PTPRM: variants seen among roughly 807,000 people sequenced by gnomAD.
PTPRM encodes the protein receptor-type tyrosine-protein phosphatase mu.
In PTPRM, 47 loss-of-function variants were observed where a neutral mutation model predicts 186.7. That is an observed-to-expected ratio of 0.25 (90% CI 0.20 to 0.32). The LOEUF (loss-of-function observed/expected upper bound fraction) is 0.32, where lower values mean the gene tolerates loss of function less well. Among genes scored for constraint, PTPRM ranks in the 10% least tolerant of loss-of-function variants. The pLI, the probability that PTPRM is intolerant of heterozygous loss-of-function variation, is 1.00. For missense variants in PTPRM, 1,494 were observed against 1,865.0 expected (o/e 0.80, Z 3.66); for synonymous variants, 668 against 674.9 (o/e 0.99, Z 0.16).
At chr18:8,201,792 C>CT (rs972476756) in intron 14 of PTPRM, among the ~76,000 whole-genome samples, 1 of 152,182 alleles carries the variant, frequency 6.6e-6, no homozygotes, top group African/African-American at 2.4e-5. Context: ...TACCCCATCT[C>CT]TAACTATAAT....
chr18:8,257,873 C>A (rs1346936634), intron 19 of PTPRM, among the ~76,000 whole-genome samples: 1 of 152,130 alleles, frequency 6.6e-6, no homozygotes, highest in African/African-American at 2.4e-5. Context: ...TCAAAATTGG[C>A]CTAAACACCA....
chr18:8,100,215 T>G (rs192547959), intron 11 of PTPRM, among the ~76,000 whole-genome samples: 2 of 152,186 alleles, frequency 1.3e-5, no homozygotes, highest in Admixed American at 1.3e-4. Context: ...CTCGGCTCAC[T>G]GCAACCTCTG....
chr18:7,667,766 T>C (rs1398511801), intron 1 of PTPRM, among the ~76,000 whole-genome samples: 1 of 152,060 alleles, frequency 6.6e-6, no homozygotes, highest in Non-Finnish European at 1.5e-5. Flanking sequence ...TTTTCCGCCA[T>C]GGTTTGCCTC....
At chr18:7,658,180 C>T (rs2038895009) in intron 1 of PTPRM, among the ~76,000 whole-genome samples, 1 of 151,714 alleles carries the variant, frequency 6.6e-6, no homozygotes, top group African/African-American at 2.4e-5. Flanking sequence ...CCAGCCTCTC[C>T]TGGTCCGTTC....
chr18:7,914,117 G>T (rs573883606), intron 4 of PTPRM, among the ~76,000 whole-genome samples: 1 of 152,180 alleles, frequency 6.6e-6, no homozygotes, highest in Non-Finnish European at 1.5e-5. Context: ...CAGTGACAAA[G>T]CACAAATTAG....
chr18:8,105,963 G>C (rs1349788079), intron 11 of PTPRM, among the ~76,000 whole-genome samples: 1 of 152,188 alleles, frequency 6.6e-6, no homozygotes, highest in African/African-American at 2.4e-5. Context: ...CAGTGATTTG[G>C]AAAGAGAGAG....
intron 30 of PTPRM, among the ~76,000 whole-genome samples, chr18:8,384,971 G>C (rs1209555762): frequency 2.6e-5 from 4 of 152,230 alleles, no homozygotes. Context: ...GTGAGAGAGA[G>C]TGGGCTCAAC....
intron 1 of PTPRM, among the ~76,000 whole-genome samples, chr18:7,578,479 G>A (rs1464838807): frequency 6.6e-6 from 1 of 151,914 alleles, no homozygotes; most frequent in Admixed American, 6.6e-5. Context: ...GGGGCTATAG[G>A]CGCCCGCCAC....
chr18:8,217,309 A>G (rs1219152970), intron 14 of PTPRM, among the ~76,000 whole-genome samples: 4 of 152,324 alleles, frequency 2.6e-5, no homozygotes, highest in African/African-American at 9.6e-5. Flanking sequence ...GTTTCTGCGT[A>G]TCAAGAAGGA....
At chr18:7,634,707 T>C (rs948046701) in intron 1 of PTPRM, among the ~76,000 whole-genome samples, 28 of 152,240 alleles carry the variant, frequency 1.8e-4, no homozygotes, top group African/African-American at 3.9e-4. Context: ...GACGATGGAT[T>C]TCTTTTCATT....
intron 11 of PTPRM, among the ~76,000 whole-genome samples, chr18:8,093,902 A>G (rs1210731763): frequency 6.6e-6 from 1 of 152,204 alleles, no homozygotes; most frequent in East Asian, 1.9e-4. Flanking sequence ...CTAATGTTCT[A>G]GTCACCCTTT....
chr18:8,169,043 C>A lies in PTPRM; in HGVS notation c.2300+25264C>A, dbSNP rs533126600. ...CCTGTTTGACTTTGGAATTAAATTT[C>A]TCTATAAATATCTTATCACGCTCCT... On this transcript the variant is annotated intron_variant, in intron 14 of 32. Coordinates refer to ENST00000580170, the MANE Select transcript of PTPRM (RefSeq NM_001105244.2). Among the ~76,000 whole-genome samples, 18 of 152,196 alleles carry A rather than the reference C, an allele frequency of 1.2e-4. No individual in the cohort carries two copies. The East Asian group carries it at 3.5e-3, about 29-fold the overall frequency.
intron 23 of PTPRM, among the ~76,000 whole-genome samples, chr18:8,352,019 T>C (rs1428650123): frequency 1.3e-5 from 2 of 152,214 alleles, no homozygotes; most frequent in Non-Finnish European, 2.9e-5. Context: ...AGCCCAAAGA[T>C]AGGCTTTTTA....
Position 7,999,586 on chromosome 18 carries a change from T to C in PTPRM, c.1132+44172T>C, listed in dbSNP as rs989009739. ...TGATGACAGTTTGCAGGAGGGACTT[T>C]CAGTTGTTTAGGAGATAGTGGTAAG... is the stretch of plus-strand genomic sequence containing the variant. On this transcript the variant is annotated intron_variant, in intron 7 of 32. Coordinates refer to ENST00000580170, the MANE Select transcript of PTPRM (RefSeq NM_001105244.2). Among the ~76,000 whole-genome samples the C allele has an allele frequency of 5.3e-5, 8 of 151,894 alleles. No individual in the cohort carries two copies. In the South Asian group the frequency reaches 1.7e-3, roughly 32 times the overall value.
At position 8,339,190 on chromosome 18, in the gene PTPRM, AC is replaced by A. The variant is rs200791466; in HGVS notation, c.2957-4232del. ...TAATGTTTTTTATTGAAAAAAAAAA[AC>A]GTTCCGCCCCCTTTTTTTTCCCTTT... On this transcript the variant is annotated intron_variant, in intron 22 of 32. Transcript: ENST00000580170. Among the ~76,000 whole-genome samples the A allele has an allele frequency of 3.5e-3, 532 of 151,312 alleles. 5 individuals are homozygous for A. The highest frequency in any genetic ancestry group is 0.012 in the African/African-American group (499 of 41,178).
chr18:8,157,788 C>T lies in PTPRM; in HGVS notation c.2300+14009C>T, dbSNP rs554686630. 2.0e-5 allele frequency among the ~76,000 whole-genome samples: 3 copies of T among 152,322 alleles called. No individual in the cohort carries two copies. In the East Asian group the frequency reaches 5.8e-4, roughly 29 times the overall value. On this transcript the variant is annotated intron_variant, in intron 14 of 32. Coordinates refer to ENST00000580170, the MANE Select transcript of PTPRM (RefSeq NM_001105244.2). ...TAAACCCCAAATGCTTCTGAGTGGG[C>T]ATGGCATTGGCATTAAATGCAAATA...
At chr18:8,066,037 G>T (rs768203800) in intron 7 of PTPRM, among the ~76,000 whole-genome samples, 1 of 152,072 alleles carries the variant, frequency 6.6e-6, no homozygotes, top group Non-Finnish European at 1.5e-5. Flanking sequence ...AATGGAAATC[G>T]CTCTGTAGAA....
At chr18:7,947,300 CTT>C (rs1243880874) in intron 5 of PTPRM, among the ~76,000 whole-genome samples, 3 of 152,184 alleles carry the variant, frequency 2.0e-5, no homozygotes, top group Non-Finnish European at 4.4e-5. Context: ...ATCATCTCCT[CTT>C]TACAGATTAG....
intron 2 of PTPRM, among the ~76,000 whole-genome samples, chr18:7,854,025 G>C (rs1031804059): frequency 1.3e-5 from 2 of 152,174 alleles, no homozygotes; most frequent in Non-Finnish European, 2.9e-5. Context: ...TGCAGAATTG[G>C]CCATTTGTTA....
Sources: gnomAD v4.1 joint callset for allele counts (sites outside exome capture counted in the v4.1 genomes callset) on GRCh38, gnomAD v4.1.1 for gene constraint, MANE v1.5 for transcripts, NCBI Gene and HGNC (gene_info 2026-07-23, HGNC 2026-07-21) for gene names.